Variants in ADCY2 observed in about 807,000 individuals in gnomAD.
The protein encoded by ADCY2 is adenylate cyclase type 2.
ADCY2 carries 31 observed loss-of-function variants against 125.2 expected under a neutral mutation model. The observed-to-expected ratio is 0.25, with a 90% CI of 0.19 to 0.33. The LOEUF (loss-of-function observed/expected upper bound fraction) is 0.33. ADCY2 is among the 10% of genes least tolerant of loss of function. ADCY2 has a pLI of 1.00. For missense variants in ADCY2, 904 were observed against 1,418.2 expected, an observed-to-expected ratio of 0.64 and a Z score of 5.82; for synonymous variants, 512 against 548.4, an observed-to-expected ratio of 0.93 and a Z score of 0.93.
chr5:7,480,735 T>C (rs2126472081), intron 2 of ADCY2, among the ~76,000 whole-genome samples: 1 of 143,266 alleles, frequency 7.0e-6, no homozygotes, highest in East Asian at 2.4e-4. Flanking sequence ...AACCTGCACA[T>C]GTACCCCTGA....
At chr5:7,826,162 A>T (rs1276840942) in intron 24 of ADCY2, among the ~76,000 whole-genome samples, 1 of 151,884 alleles carries the variant, frequency 6.6e-6, no homozygotes. Flanking sequence ...AAGGCATCAA[A>T]CCTGACAGAC....
In ADCY2 at chr5:7,757,255, A is replaced by G. The variant is rs555195941; in HGVS notation, c.1957-194A>G. On this transcript the variant is annotated intron_variant, in intron 15 of 24. Transcript: ENST00000338316. Reference sequence around the variant, plus strand: ...GTCATAGGCATTTAATTTGTTCTCAATTGGTAGCAATGATGCCAACATAAT... The same window carrying G: ...GTCATAGGCATTTAATTTGTTCTCAGTTGGTAGCAATGATGCCAACATAAT... Among the ~76,000 whole-genome samples, 8 of 152,332 alleles carry G rather than the reference A, an allele frequency of 5.3e-5. No individual in the cohort carries two copies. The East Asian group carries it at 7.7e-4, about 15-fold the overall frequency.
intron 3 of ADCY2, among the ~76,000 whole-genome samples, chr5:7,621,072 C>T (rs1737939109): frequency 6.6e-6 from 1 of 152,242 alleles, no homozygotes; most frequent in South Asian, 2.1e-4. Flanking sequence ...CATATCAAAG[C>T]CATAACAAGG....
chr5:7,731,165 A>G (rs1216310593), intron 14 of ADCY2, among the ~76,000 whole-genome samples: 2 of 152,048 alleles, frequency 1.3e-5, no homozygotes, highest in African/African-American at 4.8e-5. Context: ...TTCATATCTA[A>G]GAAGTCTATG....
intron 16 of ADCY2, among the ~76,000 whole-genome samples, chr5:7,760,228 C>T (rs1224314193): frequency 1.3e-5 from 2 of 152,234 alleles, no homozygotes; most frequent in Non-Finnish European, 2.9e-5. Flanking sequence ...TCGGGCTCGA[C>T]TTTGTAACCT....
intron 14 of ADCY2, among the ~76,000 whole-genome samples, chr5:7,734,689 G>C (rs534483288): frequency 7.2e-5 from 11 of 152,144 alleles, no homozygotes; most frequent in Non-Finnish European, 1.5e-4. Context: ...CAGGATAAAT[G>C]GTTAAAATTA....
chr5:7,760,340 T>C (rs959805350), intron 16 of ADCY2, among the ~76,000 whole-genome samples: 2 of 152,244 alleles, frequency 1.3e-5, no homozygotes, highest in African/African-American at 4.8e-5. Flanking sequence ...TGAGAGAGAC[T>C]GGGTCGGAAG....
chr5:7,668,356 C>T (rs1020072913), intron 4 of ADCY2, among the ~76,000 whole-genome samples: 2 of 152,214 alleles, frequency 1.3e-5, no homozygotes, highest in African/African-American at 2.4e-5. Context: ...TCAGACTGCT[C>T]ATCTGCCCTG....
chr5:7,719,229 C>T (rs974289376), intron 12 of ADCY2, among the ~76,000 whole-genome samples: 7 of 151,968 alleles, frequency 4.6e-5, no homozygotes, highest in Non-Finnish European at 8.8e-5. Context: ...TAGTTAATAC[C>T]TTATGTTTTA....
chr5:7,732,017 C>T (rs919898453), intron 14 of ADCY2, among the ~76,000 whole-genome samples: 1 of 152,198 alleles, frequency 6.6e-6, no homozygotes, highest in Non-Finnish European at 1.5e-5. Flanking sequence ...GTACGTTCAT[C>T]AACAGCAAGG....
intron 13 of ADCY2, 117 bp from the exon 14 acceptor site, chr5:7,727,047 G>T (rs191989346): frequency 2.8e-6 from 2 of 708,706 alleles, no homozygotes; most frequent in Non-Finnish European, 2.4e-6. Context: ...CACGTTGGCT[G>T]CAATCTGCAC....
chr5:7,656,535 A>G (rs1417385997), intron 4 of ADCY2, among the ~76,000 whole-genome samples: 1 of 152,264 alleles, frequency 6.6e-6, no homozygotes, highest in Admixed American at 6.5e-5. Context: ...AAGTCTATAT[A>G]GAGCTATAAA....
At chr5:7,698,860 G>C (rs1426930408) in intron 7 of ADCY2, among the ~76,000 whole-genome samples, 1 of 152,120 alleles carries the variant, frequency 6.6e-6, no homozygotes, top group Non-Finnish European at 1.5e-5. Flanking sequence ...GTGTGCATGT[G>C]TCTTTATAGT....
chr5:7,596,267 C>T (rs1736997850), intron 3 of ADCY2, among the ~76,000 whole-genome samples: 3 of 98,606 alleles, frequency 3.0e-5, no homozygotes, highest in African/African-American at 1.1e-4. Context: ...AATGCCCGAT[C>T]CAAAAACTCC....
intron 2 of ADCY2, among the ~76,000 whole-genome samples, chr5:7,474,504 A>G (rs1343631467): frequency 6.6e-6 from 1 of 152,240 alleles, no homozygotes; most frequent in African/African-American, 2.4e-5. Flanking sequence ...TGAAGGCTGA[A>G]AAGAAGCAAG....
intron 4 of ADCY2, among the ~76,000 whole-genome samples, chr5:7,673,640 G>T (rs897522622): frequency 2.0e-5 from 3 of 152,078 alleles, no homozygotes; most frequent in African/African-American, 7.2e-5. Flanking sequence ...CTTTCTCCAG[G>T]CTCTGCCCAA....
At chr5:7,577,876 AG>A (rs1322821803) in intron 3 of ADCY2, among the ~76,000 whole-genome samples, 2 of 152,174 alleles carry the variant, frequency 1.3e-5, no homozygotes, top group Non-Finnish European at 2.9e-5. Context: ...GTAAAAGGAA[AG>A]TCAAATTATG....
At chr5:7,695,602 T>C in intron 5 of ADCY2, 150 bp from the exon 6 acceptor site, 1 of 406,832 alleles carries the variant, frequency 2.5e-6, no homozygotes, top group Non-Finnish European at 4.3e-6. Context: ...AAAATGTTTA[T>C]ATATTCTTAA....
intron 4 of ADCY2, among the ~76,000 whole-genome samples, chr5:7,667,643 T>C (rs775135545): frequency 6.6e-6 from 1 of 152,254 alleles, no homozygotes; most frequent in Non-Finnish European, 1.5e-5. Flanking sequence ...GTAACCATTG[T>C]ATATGATAAC....
Sources: gnomAD v4.1 joint callset for allele counts (sites outside exome capture counted in the v4.1 genomes callset) on GRCh38, gnomAD v4.1.1 for gene constraint, MANE v1.5 for transcripts, NCBI Gene and HGNC (gene_info 2026-07-23, HGNC 2026-07-21) for gene names.